TLE4: variants seen among roughly 807,000 people sequenced by gnomAD.
TLE4 encodes the protein TLE family member 4, transcriptional corepressor.
In TLE4, 8 loss-of-function variants were observed where a neutral mutation model predicts 92.8. The ratio of observed to expected loss-of-function variants is 0.09; its 90% CI spans 0.05 to 0.16. The LOEUF (loss-of-function observed/expected upper bound fraction) is 0.16, where lower values mean the gene tolerates loss of function less well. Ranked by LOEUF, TLE4 falls within the 10% of genes least tolerant of loss-of-function variation. The pLI is 1.00. For missense variants in TLE4, 675 were observed against 997.6 expected (o/e 0.68, Z 4.36); for synonymous variants, 371 against 374.1 (o/e 0.99, Z 0.10).
chr9:79,666,505 T>C (rs905983911), intron 8 of TLE4, among the ~76,000 whole-genome samples: 1 of 152,206 alleles, frequency 6.6e-6, no homozygotes, highest in African/African-American at 2.4e-5. Flanking sequence ...TCCCAAAGTG[T>C]TGGGATTACA....
rs1295388785 is a variant in TLE4 at position 79,707,261 on chromosome 9, T to G, written c.936+362T>G. 2.0e-6 allele frequency: 3 copies of G among 1,506,308 alleles called. No homozygotes were observed. In the South Asian group the frequency reaches 3.4e-5, roughly 17 times the overall value. 93.3% of individuals were successfully genotyped at this position (1,506,308 alleles called of 1,614,324 possible). A position where few individuals can be genotyped will look rare whatever the true frequency, so the allele number is the denominator to read the frequency against. ...CTTGAATGTGATTTTGTTGCTAGCT[T>G]TGTTTGAATTACCAAGCTACATATG... On this transcript the variant is annotated intron_variant, in intron 11 of 19. Coordinates refer to ENST00000376552, the MANE Select transcript of TLE4 (RefSeq NM_007005.6).
At position 79,706,728 on chromosome 9, in the gene TLE4, C is replaced by T; in HGVS notation, c.784-19C>T. On this transcript the variant is annotated intron_variant, in intron 10 of 19. Transcript: ENST00000376552. Reference sequence around the variant, plus strand: ...AAATGTGCTGTGCTTGCATTACTGTCCACGATGTTCCTTTGTAGGATCCAT... The same window carrying T: ...AAATGTGCTGTGCTTGCATTACTGTTCACGATGTTCCTTTGTAGGATCCAT... 1.9e-6 allele frequency: 3 copies of T among 1,609,628 alleles called. No homozygotes were observed. Among genetic ancestry groups the T allele is most frequent in the Non-Finnish European group, 2.5e-6 (3 of 1,177,948 alleles).
At chr9:79,662,825 A>G (rs2060742441) in intron 8 of TLE4, among the ~76,000 whole-genome samples, 1 of 152,190 alleles carries the variant, frequency 6.6e-6, no homozygotes. Context: ...TTCCCAGGAA[A>G]TGATTGTCTC....
rs10580766 is a variant in TLE4, at chr9:79,651,031, ATCTC to A, written c.391-1528_391-1525del. Among the ~76,000 whole-genome samples, 895 of 138,816 alleles carry A rather than the reference ATCTC, an allele frequency of 6.4e-3. 13 individuals carry two copies. The highest frequency in any genetic ancestry group is 0.022 in the African/African-American group (791 of 35,226). The allele number at this position is 138,816 out of a possible 152,430, so 91.1% of individuals were successfully genotyped here. On this transcript the variant is annotated intron_variant, in intron 6 of 19. Transcript: ENST00000376552. ...GAGATTTTTCTTGGTGGAATGATCG[ATCTC>A]TCTCTCTCTCTCTCTCTCTCTCTCT...
intron 13 of TLE4, 85 bp from the exon 14 acceptor site, chr9:79,709,538 A>G: frequency 8.6e-7 from 1 of 1,165,714 alleles, no homozygotes; most frequent in Non-Finnish European, 1.3e-6. Context: ...CTATTCTCCC[A>G]GGTTTTAGAA....
intron 6 of TLE4, among the ~76,000 whole-genome samples, chr9:79,647,040 T>C (rs2058211010): frequency 6.6e-6 from 1 of 152,186 alleles, no homozygotes; most frequent in African/African-American, 2.4e-5. Flanking sequence ...TTTGGTATAA[T>C]AACAAATGAA....
intron 3 of TLE4, 112 bp downstream of exon 3, chr9:79,575,048 G>A: frequency 1.2e-6 from 1 of 837,388 alleles, no homozygotes; most frequent in East Asian, 2.7e-5. Flanking sequence ...CCCTGCCAGT[G>A]CAGTTGAAGT....
At chr9:79,574,744 A>G (rs1475446543) in intron 2 of TLE4, 129 bp from the exon 3 acceptor site, 3 of 722,956 alleles carry the variant, frequency 4.1e-6, no homozygotes, top group East Asian at 2.9e-5. Context: ...TTCCCTTTCC[A>G]TAATGATGGG....
intron 8 of TLE4, among the ~76,000 whole-genome samples, chr9:79,703,589 C>T (rs142936350): frequency 7.6e-4 from 116 of 152,268 alleles, no homozygotes; most frequent in African/African-American, 2.6e-3. Flanking sequence ...TTGTCACCCA[C>T]GTCTCTTGTG....
chr9:79,597,607 A>G (rs1318398564), intron 4 of TLE4, among the ~76,000 whole-genome samples: 8 of 152,138 alleles, frequency 5.3e-5, no homozygotes, highest in East Asian at 3.9e-4. Context: ...AGTGATTCCT[A>G]TCTGAGGAAA....
chr9:79,658,288 A>C (rs149720713), intron 8 of TLE4, among the ~76,000 whole-genome samples: 1,692 of 152,286 alleles, frequency 0.011, 38 homozygotes, highest in African/African-American at 0.038. Flanking sequence ...TGGCATAATG[A>C]GTATGGATGG....
intron 8 of TLE4, among the ~76,000 whole-genome samples, chr9:79,657,368 A>G (rs115097746): frequency 0.011 from 1,692 of 152,328 alleles, 39 homozygotes; most frequent in African/African-American, 0.038. Context: ...ATGTAGTATC[A>G]AGAACCATTT....
At chr9:79,630,078 C>A (rs538594664) in intron 6 of TLE4, among the ~76,000 whole-genome samples, 1 of 152,032 alleles carries the variant, frequency 6.6e-6, no homozygotes, top group African/African-American at 2.4e-5. Flanking sequence ...CCATCTAAGC[C>A]CCTGCAGACC....
intron 4 of TLE4, chr9:79,601,475 C>T (rs2045643259): frequency 4.4e-6 from 2 of 455,102 alleles, no homozygotes; most frequent in Admixed American, 2.4e-5. Context: ...CTTCCAATAG[C>T]CTGTGCTCAC....
chr9:79,650,921 G>A (rs1386726686), intron 6 of TLE4, among the ~76,000 whole-genome samples: 1 of 151,998 alleles, frequency 6.6e-6, no homozygotes, highest in Non-Finnish European at 1.5e-5. Flanking sequence ...AGGAAGACAT[G>A]TGGGAGTGGA....
rs181370916 is a variant in TLE4, at chr9:79,659,652, C to T, written c.609+5577C>T. Among the ~76,000 whole-genome samples, 7 of 152,186 alleles carry T rather than the reference C, an allele frequency of 4.6e-5. No homozygotes were observed. In the East Asian group the frequency reaches 5.8e-4, roughly 13 times the overall value. On this transcript the variant is annotated intron_variant, in intron 8 of 19. Coordinates refer to ENST00000376552, the MANE Select transcript of TLE4 (RefSeq NM_007005.6). Reference sequence around the variant, plus strand: ...ATAATTTCCTTCTCAAACTAATCTTCGATTTGTCCTCTTATACAATTCCAC... The same window carrying T: ...ATAATTTCCTTCTCAAACTAATCTTTGATTTGTCCTCTTATACAATTCCAC...
Position 79,704,927 on chromosome 9 carries a change from G to A in TLE4, c.729+25G>A, listed in dbSNP as rs760206154. The stretch of plus-strand genomic sequence containing the variant: ...TGTAAGTTCATTCACCTTTGTGTTA[G>A]GGGAGGCCAGCTTGCCTTTTTATCT... On this transcript the variant is annotated intron_variant, in intron 9 of 19. Transcript: ENST00000376552. The A allele has an allele frequency of 2.5e-6, 4 of 1,612,274 alleles. No individual in the cohort carries two copies. In the South Asian group the frequency reaches 3.3e-5, roughly 13 times the overall value.
rs1034595563 is a variant in TLE4, at chr9:79,706,039, G to A, written c.783+97G>A. On this transcript the variant is annotated intron_variant, in intron 10 of 19. Coordinates refer to ENST00000376552, the MANE Select transcript of TLE4 (RefSeq NM_007005.6). ...TATCCAAAATATCTTGAGGTTTGTCGTTTTGTTATTGTTGTTGTTTTTTGA... is the reference window on the plus strand; with the variant it reads ...TATCCAAAATATCTTGAGGTTTGTCATTTTGTTATTGTTGTTGTTTTTTGA... 1.4e-5 allele frequency: 17 copies of A among 1,206,732 alleles called. 1 individual carries two copies. The highest frequency in any genetic ancestry group is 9.7e-5 in the South Asian group (8 of 82,672). The allele number at this position is 1,206,732 out of a possible 1,614,324, so 74.8% of individuals were successfully genotyped here.
intron 8 of TLE4, among the ~76,000 whole-genome samples, chr9:79,683,928 G>A (rs1193762604): frequency 6.6e-6 from 1 of 152,154 alleles, no homozygotes; most frequent in Non-Finnish European, 1.5e-5. Context: ...AACTTATGAC[G>A]ACAGTTTATC....
Sources: gnomAD v4.1 joint callset for allele counts (sites outside exome capture counted in the v4.1 genomes callset) on GRCh38, gnomAD v4.1.1 for gene constraint, MANE v1.5 for transcripts, NCBI Gene and HGNC (gene_info 2026-07-23, HGNC 2026-07-21) for gene names.